APBA1: variants seen among roughly 807,000 people sequenced by gnomAD.
APBA1 encodes amyloid beta precursor protein binding family A member 1.
APBA1 carries 55 observed loss-of-function variants against 86.6 expected under a neutral mutation model. The observed-to-expected ratio is 0.64, with a 90% CI of 0.51 to 0.80. The LOEUF (loss-of-function observed/expected upper bound fraction) is 0.80, where lower values mean the gene tolerates loss of function less well. Ranked by LOEUF, APBA1 falls within the 30% of genes least tolerant of loss-of-function variation. The pLI is 0.00. For synonymous variants in APBA1, 511 were observed against 493.9 expected, an observed-to-expected ratio of 1.03 and a Z score of -0.46; for missense variants, 1,090 against 1,183.0, an observed-to-expected ratio of 0.92 and a Z score of 1.15.
intron 1 of APBA1, among the ~76,000 whole-genome samples, chr9:69,624,912 G>A (rs1484399296): frequency 6.6e-6 from 1 of 152,082 alleles, no homozygotes; most frequent in East Asian, 1.9e-4. Context: ...CTATTGAAAA[G>A]GAAAAATAGG....
chr9:69,658,266 T>C (rs1012790235), intron 1 of APBA1, among the ~76,000 whole-genome samples: 11 of 81,592 alleles, frequency 1.3e-4, no homozygotes, highest in South Asian at 5.4e-4. Context: ...CTTTCTTTCT[T>C]TCTTTCTTTC....
At chr9:69,563,518 C>T (rs1187263481) in intron 1 of APBA1, among the ~76,000 whole-genome samples, 1 of 152,150 alleles carries the variant, frequency 6.6e-6, no homozygotes, top group Non-Finnish European at 1.5e-5. Flanking sequence ...TGGGTTAATA[C>T]ACGGGTTGCA....
At chr9:69,649,613 A>T (rs1406946512) in intron 1 of APBA1, among the ~76,000 whole-genome samples, 2 of 152,134 alleles carry the variant, frequency 1.3e-5, no homozygotes, top group East Asian at 1.9e-4. Context: ...GAAGGGCTCC[A>T]TGTGCTCTGC....
chr9:69,603,016 T>C (rs1056815735), intron 1 of APBA1, among the ~76,000 whole-genome samples: 1 of 152,216 alleles, frequency 6.6e-6, no homozygotes, highest in Non-Finnish European at 1.5e-5. Flanking sequence ...TTCCTTCTCC[T>C]GGTCCTCTGG....
chr9:69,519,119 A>C (rs1836212647), intron 1 of APBA1, among the ~76,000 whole-genome samples: 1 of 152,254 alleles, frequency 6.6e-6, no homozygotes, highest in Non-Finnish European at 1.5e-5. Context: ...GCGACTGTGG[A>C]CTAAGTATAA....
rs1834967706 is a variant in APBA1 at position 69,449,632 on chromosome 9, G to GCCCA, written c.2132_2133insTGGG (p.Thr712GlyfsTer17). 1 of 1,613,876 alleles carries GCCCA rather than the reference G, an allele frequency of 6.2e-7. No individual in the cohort carries two copies. The highest frequency in any genetic ancestry group is 1.3e-5 in the African/African-American group (1 of 74,884). ...ACAGAGGCAGGCCCACCAGGCTGGT[G>GCCCA]CCATTAATGGACATGATCTGGTCAC... On this transcript the variant is annotated frameshift_variant, in exon 10 of 13. Transcript: ENST00000265381. LOFTEE classifies it high-confidence loss of function.
intron 1 of APBA1, among the ~76,000 whole-genome samples, chr9:69,639,800 C>T (rs921228956): frequency 6.6e-6 from 1 of 152,058 alleles, no homozygotes; most frequent in African/African-American, 2.4e-5. Flanking sequence ...TATAGAAGTC[C>T]AGCTAATAAA....
chr9:69,555,569 A>G (rs775677217), intron 1 of APBA1, among the ~76,000 whole-genome samples: 4 of 152,236 alleles, frequency 2.6e-5, no homozygotes, highest in Non-Finnish European at 4.4e-5. Flanking sequence ...CTATCCTTCT[A>G]TACTGGCATA....
chr9:69,546,379 G>T (rs1836697757), intron 1 of APBA1, among the ~76,000 whole-genome samples: 1 of 152,144 alleles, frequency 6.6e-6, no homozygotes, highest in Admixed American at 6.5e-5. Context: ...TTCCATTTCT[G>T]TAGGAACTGT....
chr9:69,429,369 C>T lies in APBA1; in HGVS notation c.*1958G>A, dbSNP rs1834548341. 6.6e-6 allele frequency: 1 copy of T among 152,214 alleles called. No individual in the cohort carries two copies. Among genetic ancestry groups the T allele is most frequent in the Non-Finnish European group, 1.5e-5 (1 of 68,054 alleles). 9.4% of individuals were successfully genotyped at this position (152,214 alleles called of 1,614,324 possible). On this transcript the variant is annotated 3_prime_UTR_variant, in exon 13 of 13. Coordinates refer to ENST00000265381, the MANE Select transcript of APBA1 (RefSeq NM_001163.4). ...ATGGGTTGACCTTGAGGCTGGTCTC[C>T]CAGAAACATTCTGTAAAGCATCCTT...
chr9:69,656,940 G>C (rs1823624588), intron 1 of APBA1, among the ~76,000 whole-genome samples: 2 of 151,334 alleles, frequency 1.3e-5, no homozygotes, highest in South Asian at 4.2e-4. Context: ...CCGCTTCCCG[G>C]GTTCACGCCA....
chr9:69,514,838 C>T (rs1423676612), intron 2 of APBA1, among the ~76,000 whole-genome samples: 1 of 152,022 alleles, frequency 6.6e-6, no homozygotes, highest in East Asian at 1.9e-4. Context: ...ACCTGGGAGG[C>T]AGAGGTTACG....
chr9:69,460,197 G>T (rs1334691337), intron 5 of APBA1, among the ~76,000 whole-genome samples: 34 of 152,268 alleles, frequency 2.2e-4, no homozygotes, highest in South Asian at 8.3e-4. Flanking sequence ...TGGTACACCC[G>T]GGAAACCAGG....
At chr9:69,537,535 C>T (rs1406823240) in intron 1 of APBA1, among the ~76,000 whole-genome samples, 1 of 152,050 alleles carries the variant, frequency 6.6e-6, no homozygotes, top group Non-Finnish European at 1.5e-5. Context: ...CAAATTCTCT[C>T]ACAATCCTCT....
intron 2 of APBA1, among the ~76,000 whole-genome samples, chr9:69,483,347 T>C (rs886842068): frequency 5.3e-5 from 8 of 151,936 alleles, no homozygotes; most frequent in African/African-American, 1.7e-4. Context: ...AATAACCCTA[T>C]TGCTTGCTTG....
chr9:69,458,955 C>T (rs1344848110), intron 5 of APBA1, among the ~76,000 whole-genome samples: 4 of 151,972 alleles, frequency 2.6e-5, no homozygotes, highest in South Asian at 2.1e-4. Flanking sequence ...TATAGGCATG[C>T]GCCACCACGC....
intron 1 of APBA1, among the ~76,000 whole-genome samples, chr9:69,636,931 GAAA>G (rs1564099020): frequency 1.0e-4 from 14 of 133,970 alleles, no homozygotes; most frequent in Non-Finnish European, 1.4e-4. Flanking sequence ...AGGAAAGAAA[GAAA>G]GAAAGAAAGA....
chr9:69,448,781 G>T (rs889938365), intron 10 of APBA1, among the ~76,000 whole-genome samples: 1 of 152,188 alleles, frequency 6.6e-6, no homozygotes, highest in Non-Finnish European at 1.5e-5. Context: ...TCTAGCTACA[G>T]TACCGCAGCA....
chr9:69,464,530 T>A (rs1015002185), intron 5 of APBA1: 1 of 152,230 alleles, frequency 6.6e-6, no homozygotes, highest in African/African-American at 2.4e-5. Context: ...TCTTGGTTGT[T>A]CTGATCAACA....
Sources: allele counts gnomAD v4.1 joint callset (sites outside exome capture counted in the v4.1 genomes callset), GRCh38; gene constraint gnomAD v4.1.1; transcripts MANE v1.5; gene names NCBI Gene and HGNC (gene_info 2026-07-23, HGNC 2026-07-21).